The following PPARGC1A variants were observed in gnomAD, a reference collection of about 807,000 sequenced individuals.
PPARGC1A encodes the protein PPARG coactivator 1 alpha.
A neutral mutation model predicts 88.7 loss-of-function variants in PPARGC1A; 25 were observed. The ratio of observed to expected loss-of-function variants is 0.28; its 90% CI spans 0.21 to 0.39. The LOEUF (loss-of-function observed/expected upper bound fraction) is 0.39. Ranked by LOEUF, PPARGC1A falls within the 10% of genes least tolerant of loss-of-function variation. PPARGC1A has a pLI of 1.00. For missense variants in PPARGC1A, 880 were observed against 968.7 expected (o/e 0.91, Z 1.22); for synonymous variants, 363 against 355.6 (o/e 1.02, Z -0.24).
the PPARGC1A span, among the ~76,000 whole-genome samples, chr4:24,045,479 G>T: frequency 1.7e-4 from 26 of 152,082 alleles, no homozygotes; most frequent in African/African-American, 6.0e-4. Flanking sequence ...AGGTGTCAGG[G>T]CCATGCTCTC....
At chr4:23,905,641 G>A (rs1719945126), upstream of PPARGC1A, among the ~76,000 whole-genome samples, 1 of 152,210 alleles carries the variant, frequency 6.6e-6, no homozygotes, top group Non-Finnish European at 1.5e-5. Context: ...ATCAAATGCT[G>A]TGCTGAGTAG....
intron 10 of PPARGC1A, among the ~76,000 whole-genome samples, chr4:23,809,198 T>C (rs574766274): frequency 6.6e-6 from 1 of 152,288 alleles, no homozygotes; most frequent in East Asian, 1.9e-4. Context: ...TCAAATCAGT[T>C]AAAAATCATT....
chr4:24,282,908 C>T, the PPARGC1A span, among the ~76,000 whole-genome samples: 12 of 152,210 alleles, frequency 7.9e-5, no homozygotes, highest in East Asian at 7.7e-4. Context: ...TGAGAATAAG[C>T]GGGCGATTAA....
intron 10 of PPARGC1A, among the ~76,000 whole-genome samples, chr4:23,807,014 G>A (rs1199730957): frequency 2.0e-5 from 3 of 152,146 alleles, no homozygotes; most frequent in Non-Finnish European, 4.4e-5. Context: ...AGCTCTCTAC[G>A]TTTGCAAGTC....
chr4:23,913,304 AGAG>A, the PPARGC1A span, among the ~76,000 whole-genome samples: 59 of 141,690 alleles, frequency 4.2e-4, no homozygotes, highest in Non-Finnish European at 6.9e-4. Context: ...AGAGAGAGAG[AGAG>A]AAAGAGAAAA....
the PPARGC1A span, among the ~76,000 whole-genome samples, chr4:24,300,279 GT>G: frequency 1.8e-5 from 2 of 110,758 alleles, no homozygotes; most frequent in Non-Finnish European, 3.8e-5. Flanking sequence ...GCTTTTATGG[GT>G]TTTTTTTCCT....
At chr4:24,082,141 C>G in the PPARGC1A span, among the ~76,000 whole-genome samples, 2 of 152,142 alleles carry the variant, frequency 1.3e-5, no homozygotes, top group South Asian at 4.2e-4. Flanking sequence ...AGAGAGCCAG[C>G]CTGTTTCCAT....
the PPARGC1A span, among the ~76,000 whole-genome samples, chr4:24,387,828 GAAAGAGAGAA>G: frequency 5.0e-5 from 5 of 99,644 alleles, no homozygotes; most frequent in South Asian, 3.7e-4. Flanking sequence ...AAGAAAGAGA[GAAAGAGAGAA>G]AGAGAGAGAG....
the PPARGC1A span, among the ~76,000 whole-genome samples, chr4:24,048,571 A>T: frequency 1.3e-5 from 2 of 152,140 alleles, no homozygotes; most frequent in Non-Finnish European, 2.9e-5. Flanking sequence ...CCCTGGCAAG[A>T]CCCTATGAAA....
the PPARGC1A span, among the ~76,000 whole-genome samples, chr4:24,358,519 T>C: frequency 6.6e-6 from 1 of 152,222 alleles, no homozygotes; most frequent in Non-Finnish European, 1.5e-5. Context: ...CAAGTTCTGA[T>C]GCTACATTGA....
chr4:24,244,842 C>A, the PPARGC1A span, among the ~76,000 whole-genome samples: 1 of 152,174 alleles, frequency 6.6e-6, no homozygotes, highest in Non-Finnish European at 1.5e-5. Context: ...ACTAAATTAT[C>A]TCAGCATTAT....
the PPARGC1A span, among the ~76,000 whole-genome samples, chr4:24,039,764 C>T: frequency 3.3e-5 from 5 of 152,252 alleles, no homozygotes; most frequent in East Asian, 9.7e-4. Context: ...CCTAGAGTTG[C>T]TTATAGAAGT....
the PPARGC1A span, among the ~76,000 whole-genome samples, chr4:24,057,622 G>A: frequency 1.5e-3 from 235 of 152,308 alleles, 1 homozygote; most frequent in Non-Finnish European, 3.0e-3. Context: ...TGGTAGTGGT[G>A]GAGGAGGTAG....
chr4:24,339,222 A>G, the PPARGC1A span, among the ~76,000 whole-genome samples: 1,999 of 63,712 alleles, frequency 0.031, 56 homozygotes, highest in African/African-American at 0.078. Context: ...GTATATATAT[A>G]TATATATATA....
the PPARGC1A span, among the ~76,000 whole-genome samples, chr4:24,285,320 C>T: frequency 8.6e-3 from 1,311 of 152,240 alleles, 28 homozygotes; most frequent in African/African-American, 0.03. Flanking sequence ...AAATCCTGGT[C>T]CCTGGTACTG....
chr4:23,868,210 CT>C (rs1430309298), intron 2 of PPARGC1A, among the ~76,000 whole-genome samples: 1 of 152,200 alleles, frequency 6.6e-6, no homozygotes, highest in Non-Finnish European at 1.5e-5. Flanking sequence ...TGCACATTCG[CT>C]TAACACAACC....
the PPARGC1A span, among the ~76,000 whole-genome samples, chr4:24,078,804 A>T: frequency 4.5e-4 from 69 of 152,132 alleles, no homozygotes; most frequent in Admixed American, 1.2e-3. Flanking sequence ...CCCCGATGCC[A>T]TCTCCTCTTT....
At chr4:23,843,149 T>C (rs961320390) in intron 2 of PPARGC1A, among the ~76,000 whole-genome samples, 11 of 152,092 alleles carry the variant, frequency 7.2e-5, no homozygotes, top group African/African-American at 2.4e-4. Context: ...TATCATAAAG[T>C]TCATTTCAGT....
the PPARGC1A span, among the ~76,000 whole-genome samples, chr4:24,423,076 A>C: frequency 6.6e-6 from 1 of 152,198 alleles, no homozygotes; most frequent in African/African-American, 2.4e-5. Flanking sequence ...GTGTTTATAG[A>C]TATAATACAC....
Sources: gnomAD v4.1 joint callset for allele counts (sites outside exome capture counted in the v4.1 genomes callset) on GRCh38, gnomAD v4.1.1 for gene constraint, MANE v1.5 for transcripts, NCBI Gene and HGNC (gene_info 2026-07-23, HGNC 2026-07-21) for gene names.